C5: variants seen among roughly 807,000 people sequenced by gnomAD.
C5 encodes the protein C3 and PZP-like alpha-2-macroglobulin domain-containing protein 4.
Under a neutral mutation model 218.8 loss-of-function variants are expected in C5, and 140 were observed. That is an observed-to-expected ratio of 0.64 (90% CI 0.56 to 0.74). The LOEUF (loss-of-function observed/expected upper bound fraction) is 0.74, where lower values mean the gene tolerates loss of function less well. Ranked by LOEUF, C5 falls within the 30% of genes least tolerant of loss-of-function variation. The probability of loss-of-function intolerance (pLI) is 0.00; values close to 1 mark genes in which losing one functional copy is unlikely to be tolerated. For synonymous variants in C5, 614 were observed against 682.3 expected (o/e 0.90, Z 1.56); for missense variants, 1,700 against 1,969.6 (o/e 0.86, Z 2.59).
the C5 span, among the ~76,000 whole-genome samples, chr9:121,059,289 T>TTTA: frequency 2.6e-5 from 4 of 152,146 alleles, no homozygotes; most frequent in Non-Finnish European, 5.9e-5. This position sits in a 1 kb window ranked among gnomAD's most constrained non-coding sequence, Gnocchi z 4.1. Flanking sequence ...GTGTTAATAA[T>TTTA]GGAATTTAGT....
At chr9:120,996,207 A>G in intron 22 of C5, 33 bp downstream of exon 22, 1 of 1,462,562 alleles carries the variant, frequency 6.8e-7, no homozygotes, top group South Asian at 1.1e-5. Context: ...AAAGCAAAAG[A>G]TAACATATAA....
chr9:120,955,825 T>C (rs965099495), intron 39 of C5, among the ~76,000 whole-genome samples: 3 of 152,100 alleles, frequency 2.0e-5, no homozygotes, highest in Non-Finnish European at 2.9e-5. Flanking sequence ...GAGGATCCCT[T>C]GAGCCTAGGA....
At position 121,003,728 on chromosome 9, in the gene C5, G is replaced by C. The variant is rs971869955; in HGVS notation, c.2562+2191C>G. On this transcript the variant is annotated intron_variant, in intron 20 of 40. Coordinates refer to ENST00000223642, the MANE Select transcript of C5 (RefSeq NM_001735.3). ...TTTATCAACCTTCCTGATAAAATTG[G>C]GTTGAACAGCAATGCCTACCTCTAT... Among the ~76,000 whole-genome samples, 5 of 151,928 alleles carry C rather than the reference G, an allele frequency of 3.3e-5. 1 individual carries two copies. In the East Asian group the frequency reaches 9.6e-4, roughly 29 times the overall value.
chr9:120,984,814 C>T (rs143774999), intron 25 of C5, among the ~76,000 whole-genome samples: 90 of 148,670 alleles, frequency 6.1e-4, no homozygotes, highest in Non-Finnish European at 1.1e-3. Flanking sequence ...TTCCACCTCC[C>T]AGGTTCAAGC....
chr9:121,073,959 AGAAAG>A, the C5 span, among the ~76,000 whole-genome samples: 803 of 152,312 alleles, frequency 5.3e-3, 8 homozygotes, highest in Middle Eastern at 0.014. Flanking sequence ...TCTGTAGTGA[AGAAAG>A]GAAATGAAGA....
intron 1 of C5, among the ~76,000 whole-genome samples, chr9:121,049,805 T>C (rs1179243275): frequency 6.6e-6 from 1 of 152,184 alleles, no homozygotes; most frequent in Non-Finnish European, 1.5e-5. Flanking sequence ...CAGTATTAGA[T>C]TGACTCCTAA....
At chr9:120,998,365 G>C (rs1457082424) in intron 20 of C5, among the ~76,000 whole-genome samples, 6 of 152,222 alleles carry the variant, frequency 3.9e-5, no homozygotes, top group Admixed American at 1.3e-4. Context: ...AGCTCATGCT[G>C]TTGTGATAGC....
chr9:121,027,204 C>T lies in C5; in HGVS notation c.829G>A (p.Asp277Asn). 6.2e-7 allele frequency: 1 copy of T among 1,602,946 alleles called. No homozygotes were observed. Among genetic ancestry groups the T allele is most frequent in the Non-Finnish European group, 8.5e-7 (1 of 1,171,620 alleles). ...GTTTGCATCATTTCTTTTTGATCAT[C>T]TTTTAAGTCTTCTCTTATTCCAAAT... is the stretch of plus-strand genomic sequence containing the variant. ...ITFGIREDLK[D>N]DQKEMMQTAM... Residue 277 changes from aspartate to asparagine, a missense_variant, in exon 8 of 41, where the codon GAT becomes AAT. By Grantham distance (23) the Asp-to-Asn change is conservative. Coordinates refer to ENST00000223642, the MANE Select transcript of C5 (RefSeq NM_001735.3).
chr9:121,020,300 AG>A, intron 11 of C5, 121 bp from the exon 12 acceptor site: 1 of 822,458 alleles, frequency 1.2e-6, no homozygotes, highest in Non-Finnish European at 2.0e-6. Context: ...CAAATGCTAA[AG>A]GGGAAAAAAC....
At chr9:120,987,569 C>T (rs62578421) in intron 25 of C5, among the ~76,000 whole-genome samples, 3,937 of 143,132 alleles carry the variant, frequency 0.028, 84 homozygotes, top group Admixed American at 0.041. Context: ...ACCCGGGAGG[C>T]GGAGGTTGCA....
chr9:121,053,466 G>T (rs1323475), upstream of C5, among the ~76,000 whole-genome samples: 54,881 of 152,038 alleles, frequency 0.36, 12,275 homozygotes, highest in South Asian at 0.63. Flanking sequence ...CGGAGGTGGA[G>T]CAAGATGGCT....
the C5 span, among the ~76,000 whole-genome samples, chr9:121,066,150 T>A: frequency 2.0e-5 from 3 of 150,908 alleles, no homozygotes; most frequent in African/African-American, 7.3e-5. Context: ...CCATCTCTAC[T>A]AAAATACAAA....
At chr9:121,039,701 T>C (rs929911754) in intron 3 of C5, among the ~76,000 whole-genome samples, 1 of 152,068 alleles carries the variant, frequency 6.6e-6, no homozygotes, top group Non-Finnish European at 1.5e-5. Context: ...CAGGCTGGAG[T>C]GCAGTGGCGC....
intron 27 of C5, among the ~76,000 whole-genome samples, 178 bp from the exon 28 acceptor site, chr9:120,980,432 C>T (rs2046983685): frequency 6.6e-6 from 1 of 152,042 alleles, no homozygotes; most frequent in Non-Finnish European, 1.5e-5. Context: ...AGGAGCAGAG[C>T]ATAATCTTGG....
chr9:120,959,125 A>G (rs1267792534), intron 38 of C5, among the ~76,000 whole-genome samples: 2 of 152,138 alleles, frequency 1.3e-5, no homozygotes, highest in Non-Finnish European at 2.9e-5. Flanking sequence ...CGTAAGAATG[A>G]GAACCCTTTC....
At chr9:121,032,723 G>C (rs971617148) in intron 5 of C5, among the ~76,000 whole-genome samples, 1 of 152,174 alleles carries the variant, frequency 6.6e-6, no homozygotes, top group Non-Finnish European at 1.5e-5. Context: ...TACTAGGCCA[G>C]GTATAGTGGC....
At chr9:121,066,579 T>G in the C5 span, among the ~76,000 whole-genome samples, 3 of 151,856 alleles carry the variant, frequency 2.0e-5, no homozygotes, top group African/African-American at 7.3e-5. Flanking sequence ...TTGTGGTGGG[T>G]CATGCCTGTA....
intron 35 of C5, 25 bp downstream of exon 35, chr9:120,962,867 GA>G (rs2046837459): frequency 1.9e-6 from 3 of 1,610,288 alleles, no homozygotes; most frequent in Non-Finnish European, 2.5e-6. Context: ...AATAGTAAAG[GA>G]AAAATGGTTG....
chr9:121,025,679 T>C, intron 8 of C5, 99 bp from the exon 9 acceptor site: 2 of 1,178,460 alleles, frequency 1.7e-6, no homozygotes, highest in East Asian at 2.4e-5. Context: ...TGAAGGTAAA[T>C]GTCAGAAGAA....
Sources: allele counts gnomAD v4.1 joint callset (sites outside exome capture counted in the v4.1 genomes callset), GRCh38; gene constraint gnomAD v4.1.1; non-coding constraint Gnocchi (gnomAD v3.1); transcripts MANE v1.5; gene names NCBI Gene and HGNC (gene_info 2026-07-23, HGNC 2026-07-21).